GOLIM4: variants seen among roughly 807,000 people sequenced by gnomAD.
GOLIM4 encodes 130 kDa golgi-localized phosphoprotein.
GOLIM4 carries 71 observed loss-of-function variants against 107.4 expected under a neutral mutation model. The observed-to-expected ratio is 0.66, with a 90% CI of 0.55 to 0.81. GOLIM4 has a LOEUF of 0.81. Ranked by LOEUF, GOLIM4 falls within the 30% of genes least tolerant of loss-of-function variation. The pLI, the probability that GOLIM4 is intolerant of heterozygous loss-of-function variation, is 0.00. For synonymous variants in GOLIM4, 327 were observed against 294.8 expected, an observed-to-expected ratio of 1.11 and a Z score of -1.12; for missense variants, 830 against 826.1, an observed-to-expected ratio of 1.00 and a Z score of -0.06.
At chr3:168,060,451 G>C (rs578099888) in intron 1 of GOLIM4, among the ~76,000 whole-genome samples, 41 of 152,220 alleles carry the variant, frequency 2.7e-4, no homozygotes, top group Admixed American at 9.2e-4. Context: ...AGCTGAGATG[G>C]GGAAGGCCAA....
At chr3:168,031,655 A>G (rs1718345581) in intron 9 of GOLIM4, among the ~76,000 whole-genome samples, 1 of 152,316 alleles carries the variant, frequency 6.6e-6, no homozygotes, top group South Asian at 2.1e-4. Context: ...AAGCTTTCTG[A>G]GGTTAAGTTT....
In GOLIM4 at chr3:168,095,079, G is replaced by C. The variant is rs377506964; in HGVS notation, c.187+20C>G. On this transcript the variant is annotated intron_variant, in intron 1 of 15. Coordinates refer to ENST00000470487, the MANE Select transcript of GOLIM4 (RefSeq NM_014498.5). ...CGGGGCAAAGTTGGCCACCGGCTGC[G>C]CGCGTCCCGTTAGCCGTACCTTGTA... 1.9e-6 allele frequency: 3 copies of C among 1,576,774 alleles called. No homozygotes were observed. The highest frequency in any genetic ancestry group is 1.1e-5 in the South Asian group (1 of 88,868).
intron 7 of GOLIM4, 36 bp downstream of exon 7, chr3:168,040,750 T>A: frequency 7.3e-7 from 1 of 1,374,750 alleles, no homozygotes. Context: ...TAAGCAGACT[T>A]GTAAAAGAAC....
At chr3:168,016,755 A>T (rs1717388355) in intron 14 of GOLIM4, among the ~76,000 whole-genome samples, 1 of 137,114 alleles carries the variant, frequency 7.3e-6, no homozygotes, top group Non-Finnish European at 1.5e-5. Flanking sequence ...ACATGGATGA[A>T]ATTGGAAAAC....
intron 1 of GOLIM4, among the ~76,000 whole-genome samples, chr3:168,090,711 C>T (rs985263328): frequency 6.6e-6 from 1 of 152,118 alleles, no homozygotes; most frequent in African/African-American, 2.4e-5. Context: ...AAAAAAGATA[C>T]CTGCACTTGT....
At position 168,095,309 on chromosome 3, in the gene GOLIM4, C is replaced by T. The variant is rs1722130908; in HGVS notation, c.-24G>A. The stretch of plus-strand genomic sequence containing the variant: ...ATAGTCCCGCCTGGACCCAAAGCCG[C>T]GGCCGCCCCCGCCGTCTCCTCCCCT... On this transcript the variant is annotated 5_prime_UTR_variant, in exon 1 of 16. Coordinates refer to ENST00000470487, the MANE Select transcript of GOLIM4 (RefSeq NM_014498.5). The T allele has an allele frequency of 6.3e-7, 1 of 1,599,880 alleles. No individual in the cohort carries two copies. The highest frequency in any genetic ancestry group is 1.3e-5 in the African/African-American group (1 of 74,484).
rs1718411708 is a variant in GOLIM4 at position 168,032,814 on chromosome 3, T to C, written c.882A>G (p.Ala294=). Residue 294 remains alanine (A), a synonymous_variant, in exon 9 of 16, where the codon GCA becomes GCG. Coordinates refer to ENST00000470487, the MANE Select transcript of GOLIM4 (RefSeq NM_014498.5). ...RNNDVWQNHE[A]VPGRAEDTKL... Reference sequence around the variant, plus strand: ...TTGTGTCTTCTGCTCTTCCAGGAACTGCTTCATGGTTCTGCCACACATCAT... The same window carrying C: ...TTGTGTCTTCTGCTCTTCCAGGAACCGCTTCATGGTTCTGCCACACATCAT... The C allele has an allele frequency of 6.2e-7, 1 of 1,613,734 alleles. No homozygotes were observed.
Position 168,043,397 on chromosome 3 carries a change from CT to C in GOLIM4, c.498del (p.Glu167AsnfsTer5). On this transcript the variant is annotated frameshift_variant, in exon 5 of 16. Transcript: ENST00000470487. LOFTEE classifies it high-confidence loss of function. The part of the protein sequence containing the change: ...KYLQLQQEKE[Q>X]ELSKLKETVY... ...CAAATACCTTTTAGCTTAGAAAGTTCTTGTTCTTTTTCTTGCTGGAGCTGCA... is the reference window on the plus strand; with the variant it reads ...CAAATACCTTTTAGCTTAGAAAGTTCTGTTCTTTTTCTTGCTGGAGCTGCA... 6.2e-7 allele frequency: 1 copy of C among 1,607,502 alleles called. No individual in the cohort carries two copies. The highest frequency in any genetic ancestry group is 8.5e-7 in the Non-Finnish European group (1 of 1,177,682).
intron 1 of GOLIM4, 58 bp downstream of exon 1, chr3:168,095,041 C>G: frequency 2.2e-6 from 3 of 1,389,936 alleles, no homozygotes; most frequent in Non-Finnish European, 3.0e-6. Context: ...CTTTTCCTGC[C>G]CGGGTGGAGG....
intron 12 of GOLIM4, among the ~76,000 whole-genome samples, chr3:168,027,510 T>G (rs1412210922): frequency 6.6e-6 from 1 of 150,558 alleles, no homozygotes; most frequent in Non-Finnish European, 1.5e-5. Flanking sequence ...TTTTTTTTTT[T>G]CCCCCAGAGC....
In GOLIM4 at chr3:168,031,049, C is replaced by T. The variant is rs542709603; in HGVS notation, c.1177-1013G>A. On this transcript the variant is annotated intron_variant, in intron 9 of 15. Transcript: ENST00000470487. ...AATGAAATCTTGTCATACGCAGTGA[C>T]ATGGATGGAACTGGAGGCCATTATG... Among the ~76,000 whole-genome samples, 12 of 152,234 alleles carry T rather than the reference C, an allele frequency of 7.9e-5. No individual in the cohort carries two copies. The East Asian group carries it at 2.1e-3, about 27-fold the overall frequency.
rs1577585568 is a variant in GOLIM4, at chr3:168,092,329, AT to A, written c.187+2769del. Among the ~76,000 whole-genome samples the A allele has an allele frequency of 2.0e-5, 3 of 152,168 alleles. No individual in the cohort carries two copies. In the East Asian group the frequency reaches 5.8e-4, roughly 29 times the overall value. The stretch of plus-strand genomic sequence containing the variant: ...GATAGATAAACAGGCAGACATAGAT[AT>A]TTTTATAGTGGAAGGGGTTTGCCTA... On this transcript the variant is annotated intron_variant, in intron 1 of 15. Coordinates refer to ENST00000470487, the MANE Select transcript of GOLIM4 (RefSeq NM_014498.5).
At chr3:168,075,981 C>CAT (rs953313831) in intron 1 of GOLIM4, among the ~76,000 whole-genome samples, 1 of 152,120 alleles carries the variant, frequency 6.6e-6, no homozygotes, top group African/African-American at 2.4e-5. Context: ...CACATACATA[C>CAT]ATATATACAC....
chr3:168,086,462 G>A (rs1018756745), intron 1 of GOLIM4, among the ~76,000 whole-genome samples: 21 of 152,250 alleles, frequency 1.4e-4, no homozygotes, highest in African/African-American at 5.1e-4. Context: ...TTTTAAATGA[G>A]ATGTGAACTG....
chr3:168,022,341 A>C (rs1317995073), intron 14 of GOLIM4, among the ~76,000 whole-genome samples: 44 of 152,126 alleles, frequency 2.9e-4, no homozygotes, highest in Non-Finnish European at 5.1e-4. Flanking sequence ...ATTAAAAAAA[A>C]AAAAACAACA....
chr3:168,058,154 A>G (rs1156368793), intron 1 of GOLIM4, among the ~76,000 whole-genome samples: 1 of 152,172 alleles, frequency 6.6e-6, no homozygotes, highest in East Asian at 1.9e-4. Flanking sequence ...GTATTTTTTT[A>G]CTGTACAATA....
Position 168,095,404 on chromosome 3 carries a change from C to G in GOLIM4, c.-119G>C. The G allele has an allele frequency of 1.2e-6, 1 of 813,766 alleles. No homozygotes were observed. The highest frequency in any genetic ancestry group is 1.9e-6 in the Non-Finnish European group (1 of 527,420). 50.4% of individuals were successfully genotyped at this position (813,766 alleles called of 1,614,324 possible). On this transcript the variant is annotated 5_prime_UTR_variant, in exon 1 of 16. Coordinates refer to ENST00000470487, the MANE Select transcript of GOLIM4 (RefSeq NM_014498.5). ...CAGACGCAGCATGAGGAGGAGATGC[C>G]AGACACAAAAGCCGGCCCGGAGGGG...
At chr3:168,028,119 CAA>C (rs1718110494) in intron 11 of GOLIM4, among the ~76,000 whole-genome samples, 1 of 152,110 alleles carries the variant, frequency 6.6e-6, no homozygotes, top group African/African-American at 2.4e-5. Flanking sequence ...CAACAACAAT[CAA>C]AACTCTCTCA....
chr3:168,011,819 C>T lies in GOLIM4; in HGVS notation c.1861-996G>A, dbSNP rs1448562826. ...CACAAGGCAGGGTATTCCAACAGAC[C>T]TGCAGCTGAGGGTCCTGTCTGTTAG... is the stretch of plus-strand genomic sequence containing the variant. On this transcript the variant is annotated intron_variant, in intron 14 of 15. Coordinates refer to ENST00000470487, the MANE Select transcript of GOLIM4 (RefSeq NM_014498.5). Among the ~76,000 whole-genome samples the T allele has an allele frequency of 6.0e-5, 8 of 132,886 alleles. 1 individual carries two copies. Among genetic ancestry groups the T allele is most frequent in the Non-Finnish European group, 1.2e-4 (8 of 66,952 alleles). 87.2% of individuals were successfully genotyped at this position (132,886 alleles called of 152,430 possible).
Sources: gnomAD v4.1 joint callset for allele counts (sites outside exome capture counted in the v4.1 genomes callset) on GRCh38, gnomAD v4.1.1 for gene constraint, MANE v1.5 for transcripts, NCBI Gene and HGNC (gene_info 2026-07-23, HGNC 2026-07-21) for gene names.